Variants in THAP4 observed in about 807,000 individuals in gnomAD.
THAP4 encodes THAP domain containing 4, also known as peroxynitrite isomerase THAP4.
A neutral mutation model predicts 48.1 loss-of-function variants in THAP4; 18 were observed. The ratio of observed to expected loss-of-function variants is 0.37; its 90% CI spans 0.26 to 0.56. The LOEUF (loss-of-function observed/expected upper bound fraction) is 0.56. THAP4 is among the 20% of genes least tolerant of loss of function. THAP4 has a pLI of 0.78. For synonymous variants in THAP4, 345 were observed against 324.9 expected, an observed-to-expected ratio of 1.06 and a Z score of -0.66; for missense variants, 656 against 774.9, an observed-to-expected ratio of 0.85 and a Z score of 1.82.
Position 241,633,916 on chromosome 2 carries a change from C to T in THAP4, c.241G>A (p.Val81Met). Reference sequence around the variant, plus strand: ...TCGGTCAGGTGGAAGATGGATGGCACGGCCGTGGGCTTCAGCAGGCGATGC... The same window carrying T: ...TCGGTCAGGTGGAAGATGGATGGCATGGCCGTGGGCTTCAGCAGGCGATGC... ...DQHRLLKPTA[V>M]PSIFHLTEKK... Residue 81 changes from valine (V) to methionine (M), a missense_variant, in exon 2 of 6, where the codon GTG (valine) becomes ATG (methionine). Transcript: ENST00000407315. The surrounding 1 kb of genome is among the most constrained non-coding windows in gnomAD (Gnocchi z 7.5). 2.5e-6 allele frequency: 4 copies of T among 1,614,112 alleles called. No homozygotes were observed. Among genetic ancestry groups the T allele is most frequent in the African/African-American group, 1.3e-5 (1 of 75,042 alleles).
Position 241,617,465 on chromosome 2 carries a change from T to C in THAP4, c.1241-10992A>G. The stretch of plus-strand genomic sequence containing the variant: ...ACTCGTCAAGGTTCCTCAAGGTTGT[T>C]TTCTGCCAATTGACGGGAAATGTTT... On this transcript the variant is annotated intron_variant, in intron 2 of 5. Transcript: ENST00000407315. 4 of 1,550,704 alleles carry C rather than the reference T, an allele frequency of 2.6e-6. No homozygotes were observed. In the South Asian group the frequency reaches 4.8e-5, roughly 19 times the overall value.
intron 2 of THAP4, among the ~76,000 whole-genome samples, chr2:241,620,463 AG>A (rs1449865832): frequency 2.0e-5 from 2 of 98,968 alleles, no homozygotes; most frequent in African/African-American, 8.2e-5. Flanking sequence ...GGGATGAGTG[AG>A]GGGTGAGTGA....
intron 2 of THAP4, among the ~76,000 whole-genome samples, chr2:241,628,452 C>A (rs563937842): frequency 1.3e-5 from 2 of 152,196 alleles, no homozygotes; most frequent in Admixed American, 6.5e-5. Context: ...CCTGCTCCTC[C>A]CCAAAAGCCT....
At chr2:241,623,857 C>T (rs929571245) in intron 2 of THAP4, among the ~76,000 whole-genome samples, 17 of 152,310 alleles carry the variant, frequency 1.1e-4, no homozygotes, top group Admixed American at 2.6e-4. Flanking sequence ...TTTCTCTATA[C>T]GCACACTCAG....
At chr2:241,596,183 AAAAC>A (rs777506609) in intron 5 of THAP4, among the ~76,000 whole-genome samples, 37 of 152,180 alleles carry the variant, frequency 2.4e-4, no homozygotes, top group Admixed American at 7.9e-4. Context: ...ATCCAGAACC[AAAAC>A]AAACAAACAA....
chr2:241,633,659 C>G lies in THAP4; in HGVS notation c.498G>C (p.Gln166His). 1 of 1,612,190 alleles carries G rather than the reference C, an allele frequency of 6.2e-7. No homozygotes were observed. Among genetic ancestry groups the G allele is most frequent in the Non-Finnish European group, 8.5e-7 (1 of 1,179,902 alleles). The change falls in exon 2 of 6, where the codon CAG (glutamine) becomes CAC (histidine). Residue 166 changes from glutamine (Q) to histidine (H), a missense_variant. By Grantham distance (24) the Gln-to-His change is conservative. Around this residue, in one of 4 missense-constraint regions of THAP4, gnomAD observed 391 missense variants for 412.4 expected, o/e 0.95. Transcript: ENST00000407315. This position sits in a 1 kb window ranked among gnomAD's most constrained non-coding sequence, Gnocchi z 7.5. ...RAAQEAASQE[Q>H]AQQALERTPG... ...GAGTCCGTTCCAGAGCTTGCTGGGC[C>G]TGCTCCTGGCTGGCGGCCTCCTGGG...
At position 241,636,966 on chromosome 2, in the gene THAP4, C is replaced by A; in HGVS notation, c.52G>T (p.Glu18Ter). 1 of 1,316,462 alleles carries A rather than the reference C, an allele frequency of 7.6e-7. No homozygotes were observed. Among genetic ancestry groups the A allele is most frequent in the Non-Finnish European group, 9.9e-7 (1 of 1,009,590 alleles). 81.5% of individuals were successfully genotyped at this position (1,316,462 alleles called of 1,614,324 possible). Residue 18 changes from glutamate to a stop codon, truncating the protein, a stop_gained, in exon 1 of 6, where the codon GAG becomes TAG. Transcript: ENST00000407315. LOFTEE classifies it high-confidence loss of function. ...CTGTGGAAGGAGACGGCGCGCTTCTCGCCCTTTCCCTGCCGGTTGGAGCAG... is the reference window on the plus strand; with the variant it reads ...CTGTGGAAGGAGACGGCGCGCTTCTAGCCCTTTCCCTGCCGGTTGGAGCAG... ...VNCSNRQGKG[E>*]KRAVSFHRFP...
chr2:241,592,150 G>A (rs2066989579), intron 5 of THAP4: 1 of 152,260 alleles, frequency 6.6e-6, no homozygotes, highest in African/African-American at 2.4e-5. Context: ...TAGGTCCAGA[G>A]CCACCCACAT....
intron 2 of THAP4, among the ~76,000 whole-genome samples, chr2:241,615,797 C>T (rs531159864): frequency 9.8e-5 from 15 of 152,332 alleles, no homozygotes; most frequent in African/African-American, 3.4e-4. Context: ...GGAGTGAGGA[C>T]GCCACTGGCA....
rs531912159 is a variant in THAP4 at position 241,601,258 on chromosome 2, A to C, written c.1614+638T>G. On this transcript the variant is annotated intron_variant, in intron 5 of 5. Transcript: ENST00000407315. This position sits in a 1 kb window ranked among gnomAD's most constrained non-coding sequence, Gnocchi z 4.0. ...CCACCTTTGCATTCCAGCCTGGGCA[A>C]CAGAGCGAAACTCCGCCTCAAAAAA... 6.6e-6 allele frequency among the ~76,000 whole-genome samples: 1 copy of C among 152,220 alleles called. No individual in the cohort carries two copies. Among genetic ancestry groups the C allele is most frequent in the Non-Finnish European group, 1.5e-5 (1 of 68,034 alleles).
chr2:241,628,797 G>A (rs575868457), intron 2 of THAP4, among the ~76,000 whole-genome samples: 7 of 150,506 alleles, frequency 4.7e-5, no homozygotes, highest in African/African-American at 9.8e-5. Context: ...AAAATTAGCC[G>A]GGCATGATGG....
intron 2 of THAP4, among the ~76,000 whole-genome samples, chr2:241,607,829 G>A (rs371111121): frequency 6.1e-5 from 8 of 130,200 alleles, no homozygotes; most frequent in African/African-American, 2.4e-4. Flanking sequence ...CGCGCAAGCA[G>A]AAGACGGACT....
At position 241,610,199 on chromosome 2, in the gene THAP4, G is replaced by A. The variant is rs764444761; in HGVS notation, c.1241-3726C>T. Among the ~76,000 whole-genome samples, 3 of 152,326 alleles carry A rather than the reference G, an allele frequency of 2.0e-5. No homozygotes were observed. The highest frequency in any genetic ancestry group is 6.5e-5 in the Admixed American group (1 of 15,308). On this transcript the variant is annotated intron_variant, in intron 2 of 5. Transcript: ENST00000407315. The surrounding 1 kb of genome is among the most constrained non-coding windows in gnomAD (Gnocchi z 4.2). ...TTCACACTCCCCACGAGGCAGGACA[G>A]CCCCGGGCTAGGGTGAGGGGCACGC...
chr2:241,602,650 G>A (rs2067129442), intron 4 of THAP4, among the ~76,000 whole-genome samples: 1 of 152,170 alleles, frequency 6.6e-6, no homozygotes, highest in South Asian at 2.1e-4. Context: ...ACAGGCGTGA[G>A]CCACTGTGCC....
chr2:241,621,690 G>A (rs2067430633), intron 2 of THAP4, among the ~76,000 whole-genome samples: 1 of 152,134 alleles, frequency 6.6e-6, no homozygotes, highest in African/African-American at 2.4e-5. Flanking sequence ...ATGCCAGAAA[G>A]AGATAAAAGG....
chr2:241,607,437 T>C (rs1487441669), intron 2 of THAP4, among the ~76,000 whole-genome samples: 1 of 151,802 alleles, frequency 6.6e-6, no homozygotes, highest in African/African-American at 2.4e-5. Flanking sequence ...CCCCACTGCA[T>C]GCTACCCATC....
intron 1 of THAP4, among the ~76,000 whole-genome samples, chr2:241,635,345 T>C (rs2067622187): frequency 6.6e-6 from 1 of 152,032 alleles, no homozygotes; most frequent in Admixed American, 6.6e-5. Flanking sequence ...TTAAAAATGG[T>C]GAGAAAAAAG....
intron 2 of THAP4, among the ~76,000 whole-genome samples, chr2:241,625,625 G>A (rs1371731631): frequency 4.0e-5 from 6 of 150,912 alleles, no homozygotes; most frequent in African/African-American, 9.7e-5. Context: ...GTGAAATCCC[G>A]TCTCTACTAA....
intron 2 of THAP4, among the ~76,000 whole-genome samples, chr2:241,622,177 C>A (rs2067436780): frequency 6.6e-6 from 1 of 152,206 alleles, no homozygotes; most frequent in African/African-American, 2.4e-5. Flanking sequence ...CGAGACCAGT[C>A]TGGCCAACGT....
Sources: gnomAD v4.1 joint callset for allele counts (sites outside exome capture counted in the v4.1 genomes callset) on GRCh38, gnomAD v4.1.1 for gene constraint, gnomAD v4.1.1 regional missense constraint, Gnocchi (gnomAD v3.1) non-coding constraint, MANE v1.5 for transcripts, NCBI Gene and HGNC (gene_info 2026-07-23, HGNC 2026-07-21) for gene names.